The following TENM2 variants were observed in gnomAD, a reference collection of about 807,000 sequenced individuals.
The protein encoded by TENM2 is teneurin-2.
In TENM2, 52 loss-of-function variants were observed where a neutral mutation model predicts 245.2. That is an observed-to-expected ratio of 0.21 (90% confidence interval 0.17 to 0.27). The LOEUF is 0.27. TENM2 is among the 10% of genes least tolerant of loss of function. TENM2 has a pLI of 1.00. For missense variants in TENM2, 3,046 were observed against 3,666.8 expected (o/e 0.83, Z 4.37); for synonymous variants, 1,363 against 1,438.9 (o/e 0.95, Z 1.19).
intron 2 of TENM2, among the ~76,000 whole-genome samples, chr5:167,743,137 T>TG (rs1254976807): frequency 5.9e-5 from 9 of 152,208 alleles, no homozygotes; most frequent in Admixed American, 5.2e-4. Context: ...GTATAAGACC[T>TG]GGGACTACAC....
intron 3 of TENM2, among the ~76,000 whole-genome samples, chr5:167,876,956 G>T (rs1381355854): frequency 6.6e-6 from 1 of 152,124 alleles, no homozygotes; most frequent in African/African-American, 2.4e-5. Context: ...ATTGCCCTGG[G>T]CCCAGCGATA....
At chr5:167,673,893 T>G (rs989800756) in intron 2 of TENM2, among the ~76,000 whole-genome samples, 15 of 152,062 alleles carry the variant, frequency 9.9e-5, no homozygotes, top group Admixed American at 7.2e-4. Context: ...GCAGACTCTT[T>G]TGTGTCTATA....
chr5:168,176,718 C>A (rs1759393005), intron 13 of TENM2, among the ~76,000 whole-genome samples: 1 of 152,186 alleles, frequency 6.6e-6, no homozygotes, highest in Non-Finnish European at 1.5e-5. Context: ...TTGGTCAACT[C>A]ATTGTTACAC....
intron 1 of TENM2, 145 bp downstream of exon 3, chr5:167,285,208 C>A: frequency 1.6e-6 from 1 of 636,240 alleles, no homozygotes; most frequent in Non-Finnish European, 2.8e-6. Flanking sequence ...AAGGACATTC[C>A]TAACAACATG....
chr5:167,889,586 C>T (rs1216895548), intron 3 of TENM2, among the ~76,000 whole-genome samples: 1 of 152,126 alleles, frequency 6.6e-6, no homozygotes, highest in African/African-American at 2.4e-5. Flanking sequence ...CTTTACATGT[C>T]GCTCTTCCTG....
intron 6 of TENM2, among the ~76,000 whole-genome samples, chr5:168,049,864 G>A (rs1187454099): frequency 6.6e-6 from 1 of 152,178 alleles, no homozygotes; most frequent in Non-Finnish European, 1.5e-5. Context: ...GTGCAGTGAT[G>A]CAATCTCGGC....
chr5:167,321,532 G>A lies in TENM2; in HGVS notation c.226+36469G>A, dbSNP rs139857578. 4.9e-4 allele frequency among the ~76,000 whole-genome samples: 75 copies of A among 152,078 alleles called. No homozygotes were observed. The East Asian group carries it at 0.01, about 21-fold the overall frequency. ...TTGCCATGAATTTGTCTGCTCTAAC[G>A]TTCCTTAACTTTGGTCTCTCAGCCA... is the stretch of plus-strand genomic sequence containing the variant. On this transcript the variant is annotated intron_variant, in intron 1 of 28. Coordinates refer to ENST00000518659, the Ensembl canonical transcript of TENM2.
the TENM2 span, among the ~76,000 whole-genome samples, chr5:167,017,906 A>G: frequency 2.0e-5 from 3 of 152,214 alleles, no homozygotes; most frequent in African/African-American, 7.2e-5. Context: ...GGAGATGACA[A>G]ACAAGTCAAT....
intron 2 of TENM2, among the ~76,000 whole-genome samples, chr5:167,517,428 T>C (rs1328034168): frequency 2.0e-5 from 3 of 152,146 alleles, no homozygotes. Context: ...AAGGGAGGGA[T>C]AGGGAGATAA....
intron 2 of TENM2, among the ~76,000 whole-genome samples, chr5:167,648,844 T>G (rs763638935): frequency 2.8e-4 from 43 of 152,198 alleles, no homozygotes; most frequent in Non-Finnish European, 5.6e-4. Flanking sequence ...TCAAAATGCC[T>G]GTACTTTGTT....
the TENM2 span, among the ~76,000 whole-genome samples, chr5:167,055,960 T>A: frequency 1.6e-4 from 25 of 152,014 alleles, no homozygotes; most frequent in Non-Finnish European, 3.1e-4. Flanking sequence ...AGAGCAGTGG[T>A]GAGAGGGGAC....
intron 27 of TENM2, among the ~76,000 whole-genome samples, chr5:168,252,388 G>T (rs1028934150): frequency 6.6e-6 from 1 of 151,316 alleles, no homozygotes; most frequent in Non-Finnish European, 1.5e-5. Context: ...AAAAAGACTG[G>T]GAGACTACCT....
At chr5:167,903,691 CAG>C (rs1775883845) in intron 3 of TENM2, among the ~76,000 whole-genome samples, 1 of 152,126 alleles carries the variant, frequency 6.6e-6, no homozygotes, top group African/African-American at 2.4e-5. Context: ...TGAAAGGAGA[CAG>C]AATAGTAGGT....
At chr5:167,949,713 G>A (rs542888046) in intron 3 of TENM2, among the ~76,000 whole-genome samples, 1 of 152,258 alleles carries the variant, frequency 6.6e-6, no homozygotes, top group African/African-American at 2.4e-5. Context: ...CTCAATTCTT[G>A]AACCCAGTTC....
the TENM2 span, among the ~76,000 whole-genome samples, chr5:167,015,231 AG>A: frequency 6.6e-6 from 1 of 152,330 alleles, no homozygotes; most frequent in African/African-American, 2.4e-5. Context: ...TTAAAAAAAC[AG>A]ATTTCTTTTT....
intron 2 of TENM2, among the ~76,000 whole-genome samples, chr5:167,644,084 C>T (rs1273666855): frequency 6.6e-6 from 1 of 152,070 alleles, no homozygotes; most frequent in Admixed American, 6.6e-5. Context: ...CACCTGGATC[C>T]ATTTATTTTC....
At chr5:168,037,885 C>T (rs1787849383) in intron 5 of TENM2, among the ~76,000 whole-genome samples, 1 of 152,156 alleles carries the variant, frequency 6.6e-6, no homozygotes, top group Admixed American at 6.5e-5. Context: ...GACCAGATGG[C>T]CTTTGAGGCC....
rs1401409844 is a variant in TENM2 at position 167,609,602 on chromosome 5, G to A, written c.502+234129G>A. On this transcript the variant is annotated intron_variant, in intron 2 of 28. Transcript: ENST00000518659. ...CTTCCAACAGACTGCCCTTTATAAGGTCAAGTGAAGACTAAATCATGGTTT... is the reference window on the plus strand; with the variant it reads ...CTTCCAACAGACTGCCCTTTATAAGATCAAGTGAAGACTAAATCATGGTTT... 1.3e-4 allele frequency among the ~76,000 whole-genome samples: 19 copies of A among 151,492 alleles called. 1 individual carries two copies. The highest frequency in any genetic ancestry group is 2.9e-5 in the Non-Finnish European group (2 of 67,944).
intron 2 of TENM2, chr5:167,728,640 T>TGAAA (rs1760205086): frequency 6.6e-6 from 1 of 151,992 alleles, no homozygotes; most frequent in East Asian, 1.9e-4. Flanking sequence ...AATGAATGAA[T>TGAAA]GAAATAGAAA....
Sources: allele counts gnomAD v4.1 joint callset (sites outside exome capture counted in the v4.1 genomes callset), GRCh38; gene constraint gnomAD v4.1.1; transcripts MANE v1.5; gene names NCBI Gene and HGNC (gene_info 2026-07-23, HGNC 2026-07-21).